Variants in DCAF1 observed in about 807,000 individuals in gnomAD.
DCAF1 encodes the protein DDB1 and CUL4 associated factor 1.
DCAF1 carries 15 observed loss-of-function variants against 128.0 expected under a neutral mutation model. The observed-to-expected ratio is 0.12, with a 90% CI of 0.08 to 0.18. The LOEUF (loss-of-function observed/expected upper bound fraction) is 0.18, where lower values mean the gene tolerates loss of function less well. DCAF1 is among the 10% of genes least tolerant of loss of function. DCAF1 has a pLI of 1.00. For missense variants in DCAF1, 988 were observed against 1,649.5 expected, an observed-to-expected ratio of 0.60 and a Z score of 6.95; for synonymous variants, 610 against 603.0, an observed-to-expected ratio of 1.01 and a Z score of -0.17.
At chr3:51,503,185 C>T (rs1347392932), upstream of DCAF1, among the ~76,000 whole-genome samples, 3 of 152,088 alleles carry the variant, frequency 2.0e-5, no homozygotes, top group African/African-American at 4.8e-5. Flanking sequence ...GAGGAAGCCC[C>T]ATCTGAAAGA....
chr3:51,460,429 G>T (rs552247521), intron 6 of DCAF1, among the ~76,000 whole-genome samples: 5 of 152,272 alleles, frequency 3.3e-5, no homozygotes, highest in Admixed American at 1.3e-4. Flanking sequence ...ACAAATGGAA[G>T]AACGTTCCAT....
intron 5 of DCAF1, 45 bp downstream of exon 5, chr3:51,466,758 A>T: frequency 6.3e-7 from 1 of 1,575,396 alleles, no homozygotes; most frequent in Non-Finnish European, 8.7e-7. Flanking sequence ...AAGATACAGC[A>T]TCTACAGATG....
chr3:51,418,331 A>C, intron 16 of DCAF1, 133 bp from the exon 17 acceptor site: 1 of 1,462,594 alleles, frequency 6.8e-7, no homozygotes. Context: ...AATCCCCAGA[A>C]ACCAAGAAAT....
intron 6 of DCAF1, among the ~76,000 whole-genome samples, chr3:51,454,036 C>T (rs1157007956): frequency 1.3e-5 from 2 of 151,746 alleles, no homozygotes; most frequent in African/African-American, 2.4e-5. Flanking sequence ...ATTTACATTA[C>T]GTCTAAAACT....
chr3:51,403,433 G>A (rs1553625628), intron 23 of DCAF1, 38 bp from the exon 24 acceptor site: 2 of 1,548,938 alleles, frequency 1.3e-6, no homozygotes, highest in South Asian at 2.4e-5. Context: ...TACAAACACA[G>A]AGGCCTGACC....
rs782450813 is a variant in DCAF1, at chr3:51,443,862, G to A, written c.417C>T (p.Ala139=). 4.4e-6 allele frequency: 7 copies of A among 1,608,998 alleles called. No homozygotes were observed. The highest frequency in any genetic ancestry group is 2.7e-5 in the African/African-American group (2 of 74,824). Residue 139 remains alanine, a synonymous_variant, in exon 7 of 25, where the codon GCC becomes GCT. Coordinates refer to ENST00000684031, the MANE Select transcript of DCAF1 (RefSeq NM_001387579.1). The part of the protein sequence containing the change: ...VENLFKWARE[A]DQPLRTYSTG... ...TAGAATATGTCCTCAATGGTTGATC[G>A]GCCTCTCGGGCCCATTTGAAAAGAT...
At chr3:51,492,936 G>A (rs1444127826) in intron 2 of DCAF1, among the ~76,000 whole-genome samples, 3 of 152,042 alleles carry the variant, frequency 2.0e-5, no homozygotes, top group African/African-American at 7.2e-5. Flanking sequence ...GGAGCTTGCA[G>A]TGAGCCGAGA....
intron 10 of DCAF1, among the ~76,000 whole-genome samples, chr3:51,430,541 A>G (rs1700275731): frequency 9.4e-5 from 1 of 10,602 alleles, no homozygotes; most frequent in Non-Finnish European, 6.7e-3. Flanking sequence ...AGAGGTAAGG[A>G]ACTTCTCCAA....
intron 5 of DCAF1, among the ~76,000 whole-genome samples, chr3:51,464,744 G>A (rs1175537695): frequency 6.6e-6 from 1 of 151,948 alleles, no homozygotes; most frequent in Non-Finnish European, 1.5e-5. Flanking sequence ...AATACCATGA[G>A]TAAAGGATTA....
chr3:51,476,188 G>A (rs1553650491), intron 3 of DCAF1, among the ~76,000 whole-genome samples: 1 of 151,410 alleles, frequency 6.6e-6, no homozygotes, highest in African/African-American at 2.4e-5. Flanking sequence ...AGGTCAGGAG[G>A]TCAAGACCAG....
At chr3:51,485,885 ATTTTTTT>A (rs10536057) in intron 2 of DCAF1, among the ~76,000 whole-genome samples, 11 of 136,752 alleles carry the variant, frequency 8.0e-5, no homozygotes, top group Non-Finnish European at 1.1e-4. Flanking sequence ...AAGATTATTT[ATTTTTTT>A]TTTTTTTTTT....
rs554159559 is a variant in DCAF1 at position 51,441,674 on chromosome 3, C to A, written c.737G>T (p.Gly246Val). 3.1e-6 allele frequency: 5 copies of A among 1,613,952 alleles called. No homozygotes were observed. The Admixed American group carries it at 8.3e-5, about 27-fold the overall frequency. The change falls in exon 8 of 25, where the codon GGC becomes GTC. Residue 246 changes from glycine (G) to valine (V), a missense_variant. Physicochemically the swap from Gly to Val is moderately radical, Grantham distance 109 (BLOSUM62 -3). Coordinates refer to ENST00000684031, the MANE Select transcript of DCAF1 (RefSeq NM_001387579.1). ...DMEISFHLDS[G>V]HKTSSRVNST... Reference sequence around the variant, plus strand: ...GTTCACTCTGCTACTAGTCTTGTGGCCTGAATCAAGATGAAAGGAGATCTC... The same window carrying A: ...GTTCACTCTGCTACTAGTCTTGTGGACTGAATCAAGATGAAAGGAGATCTC...
intron 18 of DCAF1, among the ~76,000 whole-genome samples, chr3:51,416,513 T>C (rs1445958067): frequency 6.6e-6 from 1 of 152,202 alleles, no homozygotes; most frequent in Non-Finnish European, 1.5e-5. Context: ...TGAGGGTCCA[T>C]AAAGGCAGGG....
rs955571440 is a variant in DCAF1 at position 51,496,014 on chromosome 3, G to A, written c.-9+720C>T. ...GTCTCAAGGAAAAAAAAAAAAGGCC[G>A]GGCACAGTGGCTCACACCTGTAATC... On this transcript the variant is annotated intron_variant, in intron 2 of 24. Transcript: ENST00000684031. 4.0e-5 allele frequency among the ~76,000 whole-genome samples: 6 copies of A among 151,820 alleles called. No homozygotes were observed. In the South Asian group the frequency reaches 6.3e-4, roughly 16 times the overall value.
chr3:51,485,427 G>C (rs1298555835), intron 2 of DCAF1, among the ~76,000 whole-genome samples: 3 of 152,206 alleles, frequency 2.0e-5, no homozygotes, highest in Admixed American at 6.5e-5. Context: ...GGGAGCTGAG[G>C]TGAGCTTTGG....
intron 4 of DCAF1, among the ~76,000 whole-genome samples, chr3:51,468,307 G>A (rs1704355348): frequency 6.6e-6 from 1 of 152,096 alleles, no homozygotes; most frequent in Non-Finnish European, 1.5e-5. Context: ...GAGTAGCTGG[G>A]ATTACAGGTG....
downstream of DCAF1, chr3:51,395,895 C>CTGTT (rs1553622738): frequency 4.6e-5 from 19 of 413,500 alleles, no homozygotes; most frequent in African/African-American, 8.2e-5. Context: ...ATTTATTTGC[C>CTGTT]TGTTTTTGTT....
At chr3:51,423,868 A>C (rs1699661196) in intron 13 of DCAF1, among the ~76,000 whole-genome samples, 1 of 151,838 alleles carries the variant, frequency 6.6e-6, no homozygotes, top group African/African-American at 2.4e-5. Context: ...GAATTTATGT[A>C]TTAAGATGTT....
chr3:51,429,966 C>G (rs1302285520), intron 11 of DCAF1, 67 bp downstream of exon 11: 5 of 742,870 alleles, frequency 6.7e-6, no homozygotes, highest in Admixed American at 3.7e-5. Flanking sequence ...AAGGGTGTGC[C>G]GTTAAAGGGC....
Sources: gnomAD v4.1 joint callset for allele counts (sites outside exome capture counted in the v4.1 genomes callset) on GRCh38, gnomAD v4.1.1 for gene constraint, MANE v1.5 for transcripts, NCBI Gene and HGNC (gene_info 2026-07-23, HGNC 2026-07-21) for gene names.